LACTBL1: variants seen among roughly 807,000 people sequenced by gnomAD.
LACTBL1 encodes the protein beta-lactamase-like protein 1.
LACTBL1 carries 29 observed loss-of-function variants against 39.6 expected under a neutral mutation model. That is an observed-to-expected ratio of 0.73 (90% CI 0.55 to 1.00). LACTBL1 has a LOEUF of 1.00. LACTBL1 is among the 50% of genes least tolerant of loss of function. The pLI, the probability that LACTBL1 is intolerant of heterozygous loss-of-function variation, is 0.00. For synonymous variants in LACTBL1, 361 were observed against 360.7 expected, an observed-to-expected ratio of 1.00 and a Z score of -0.01; for missense variants, 711 against 748.5, an observed-to-expected ratio of 0.95 and a Z score of 0.59.
the LACTBL1 span, among the ~76,000 whole-genome samples, chr1:22,971,360 G>C: frequency 6.6e-6 from 1 of 152,132 alleles, no homozygotes; most frequent in Non-Finnish European, 1.5e-5. Flanking sequence ...TAATCTCTAA[G>C]CTGCTTGCCA....
chr1:22,972,759 G>T, the LACTBL1 span: 1 of 600,740 alleles, frequency 1.7e-6, no homozygotes, highest in Non-Finnish European at 2.1e-6. Context: ...TCAGGCTCTT[G>T]GCCACAACTT....
chr1:22,958,080 C>T (rs950746049), intron 4 of LACTBL1, among the ~76,000 whole-genome samples: 11 of 152,076 alleles, frequency 7.2e-5, no homozygotes, highest in African/African-American at 2.4e-4. Context: ...GAAATTAGGT[C>T]TTCTGTGTAG....
At chr1:22,964,904 T>C (rs1640861829) in intron 1 of LACTBL1, among the ~76,000 whole-genome samples, 1 of 152,152 alleles carries the variant, frequency 6.6e-6, no homozygotes, top group Admixed American at 6.5e-5. Flanking sequence ...TTGTTCCTAT[T>C]GAGGTCTTAG....
Position 22,955,390 on chromosome 1 carries a change from C to T in LACTBL1, c.590G>A (p.Trp197Ter), listed in dbSNP as rs1483394885. The T allele has an allele frequency of 3.9e-6, 6 of 1,550,306 alleles. No individual in the cohort carries two copies. Among genetic ancestry groups the T allele is most frequent in the Non-Finnish European group, 5.2e-6 (6 of 1,146,976 alleles). The change falls in exon 5 of 6, where the codon TGG becomes TAG. Residue 197 changes from tryptophan to a stop codon, truncating the protein, a stop_gained. Coordinates refer to ENST00000426928, the Ensembl canonical transcript of LACTBL1. LOFTEE classifies it high-confidence loss of function. Reference sequence around the variant, plus strand: ...CAGGGCCTCCTGGGTGCTGCCCTTCCACAGCAGTGAAGTGGAGCGCAGCCT... The same window carrying T: ...CAGGGCCTCCTGGGTGCTGCCCTTCTACAGCAGTGAAGTGGAGCGCAGCCT...
At position 22,958,926 on chromosome 1, in the gene LACTBL1, T is replaced by C. The variant is rs149362477; in HGVS notation, c.318-6A>G. The stretch of plus-strand genomic sequence containing the variant: ...TCTTGGAGATGCTGGAGATCCTAGA[T>C]AATGTTGGGAATACAAGCAGTCAAA... On this transcript the variant is annotated splice_polypyrimidine_tract_variant and splice_region_variant and intron_variant, in intron 3 of 5. Coordinates refer to ENST00000426928, the Ensembl canonical transcript of LACTBL1. The C allele has an allele frequency of 3.6e-4, 552 of 1,540,510 alleles. 4 individuals carry two copies. The African/African-American group carries it at 6.2e-3, about 17-fold the overall frequency.
chr1:22,966,767 C>T (rs752858147), upstream of LACTBL1, among the ~76,000 whole-genome samples: 6 of 152,142 alleles, frequency 3.9e-5, no homozygotes, highest in Non-Finnish European at 7.4e-5. Flanking sequence ...AGAAAACTCA[C>T]TTGTTTCACC....
chr1:22,958,571 G>T, intron 4 of LACTBL1, 114 bp downstream of exon 6: 3 of 827,084 alleles, frequency 3.6e-6, no homozygotes, highest in Non-Finnish European at 5.6e-6. Context: ...GGGACGTAGG[G>T]CCAGTTCAGG....
At chr1:22,958,652 T>G (rs1272826035) in intron 4 of LACTBL1, 33 bp downstream of exon 6, 2 of 1,486,726 alleles carry the variant, frequency 1.3e-6, no homozygotes, top group Non-Finnish European at 1.8e-6. Flanking sequence ...CCTGAAATGG[T>G]TTGGGTCAGC....
chr1:22,960,009 C>A, exon 3 of LACTBL1: 2 of 1,551,116 alleles, frequency 1.3e-6, no homozygotes, highest in South Asian at 1.2e-5. Flanking sequence ...CCAAAGTTCC[C>A]TGTCCAGAGC....
At chr1:22,954,826 GA>G (rs1242807535) in intron 5 of LACTBL1, among the ~76,000 whole-genome samples, 2 of 152,220 alleles carry the variant, frequency 1.3e-5, no homozygotes, top group East Asian at 3.9e-4. Flanking sequence ...CAGCGGCTCA[GA>G]AGGGGGCCCC....
At chr1:22,956,651 C>G (rs1181728375) in intron 4 of LACTBL1, among the ~76,000 whole-genome samples, 1 of 152,054 alleles carries the variant, frequency 6.6e-6, no homozygotes, top group Non-Finnish European at 1.5e-5. Flanking sequence ...CTCTAAAGAC[C>G]AACAGAGGGT....
In LACTBL1 at chr1:22,960,148, T is replaced by G. The variant is rs752175176; in HGVS notation, c.160-49A>C. 36 of 1,543,866 alleles carry G rather than the reference T, an allele frequency of 2.3e-5. No homozygotes were observed. The African/African-American group carries it at 4.5e-4, about 19-fold the overall frequency. ...GTGACAGGCCCCCCTGCCCTCACCC[T>G]CAGTAATCATCTGCAAAGCCACCCT... On this transcript the variant is annotated intron_variant, in intron 2 of 5. Transcript: ENST00000426928.
At chr1:22,959,345 G>A (rs1640794034) in intron 3 of LACTBL1, among the ~76,000 whole-genome samples, 1 of 152,198 alleles carries the variant, frequency 6.6e-6, no homozygotes, top group African/African-American at 2.4e-5. Flanking sequence ...CTAGGAGGTG[G>A]TAAGTGCTCA....
the LACTBL1 span, chr1:22,972,828 GTGCCTCTGGGAGTCCCC>G: frequency 1.5e-5 from 15 of 978,304 alleles, no homozygotes; most frequent in Non-Finnish European, 1.8e-5. Flanking sequence ...TTGGCTGACA[GTGCCTCTGGGAGTCCCC>G]TGTGTTCCAG....
At chr1:22,956,063 C>CAAA (rs10582369) in intron 4 of LACTBL1, among the ~76,000 whole-genome samples, 9 of 76,596 alleles carry the variant, frequency 1.2e-4, no homozygotes, top group African/African-American at 4.6e-4. Context: ...AACTCCATCT[C>CAAA]AAAAAAAAAA....
At chr1:22,972,282 A>C in the LACTBL1 span, 1 of 985,114 alleles carries the variant, frequency 1.0e-6, no homozygotes, top group Non-Finnish European at 1.2e-6. Flanking sequence ...ACATGGTGAC[A>C]GCTTCTTGAG....
At chr1:22,965,736 G>C (rs1422366113), upstream of LACTBL1, among the ~76,000 whole-genome samples, 1 of 152,124 alleles carries the variant, frequency 6.6e-6, no homozygotes, top group East Asian at 1.9e-4. Flanking sequence ...GTATTAGTCT[G>C]TTCTCACGCT....
chr1:22,969,526 G>T (rs553729889), upstream of LACTBL1, among the ~76,000 whole-genome samples: 1 of 152,094 alleles, frequency 6.6e-6, no homozygotes, highest in African/African-American at 2.4e-5. Flanking sequence ...TGTGCCAGAC[G>T]CTGTTCTACA....
At chr1:22,953,489 C>A (rs1363994883) in exon 6 of LACTBL1, 34 of 1,230,568 alleles carry the variant, frequency 2.8e-5, no homozygotes, top group African/African-American at 4.7e-5. Flanking sequence ...TAGGCCCGCG[C>A]CACCAGGTCG....
Sources: gnomAD v4.1 joint callset for allele counts (sites outside exome capture counted in the v4.1 genomes callset) on GRCh38, gnomAD v4.1.1 for gene constraint, MANE v1.5 for transcripts, NCBI Gene and HGNC (gene_info 2026-07-23, HGNC 2026-07-21) for gene names.